FILIP1L: variants seen among roughly 807,000 people sequenced by gnomAD.
FILIP1L encodes the protein filamin A-interacting protein 1-like.
A neutral mutation model predicts 96.6 loss-of-function variants in FILIP1L; 55 were observed. The observed-to-expected ratio is 0.57, with a 90% CI of 0.46 to 0.71. FILIP1L has a LOEUF of 0.71. Among genes scored for constraint, FILIP1L ranks in the 30% least tolerant of loss-of-function variants. FILIP1L has a pLI of 0.00. For synonymous variants in FILIP1L, 467 were observed against 473.9 expected (o/e 0.99, Z 0.19); for missense variants, 1,304 against 1,321.2 (o/e 0.99, Z 0.20).
intron 1 of FILIP1L, among the ~76,000 whole-genome samples, chr3:99,934,237 A>G (rs1365516279): frequency 1.3e-5 from 2 of 152,230 alleles, no homozygotes; most frequent in East Asian, 1.9e-4. Flanking sequence ...ACACCTCTAC[A>G]TGGAAGAAGA....
chr3:100,041,550 A>G (rs973061941), intron 1 of FILIP1L, among the ~76,000 whole-genome samples: 1 of 152,220 alleles, frequency 6.6e-6, no homozygotes, highest in African/African-American at 2.4e-5. Flanking sequence ...TACACACTTC[A>G]ACAGGAATGC....
At chr3:100,018,465 C>T (rs1710408786) in intron 1 of FILIP1L, among the ~76,000 whole-genome samples, 1 of 152,090 alleles carries the variant, frequency 6.6e-6, no homozygotes, top group Non-Finnish European at 1.5e-5. Context: ...TCAGATGAGG[C>T]TCATTTGTGT....
chr3:99,866,157 T>A (rs1944505523), intron 4 of FILIP1L, among the ~76,000 whole-genome samples: 1 of 152,130 alleles, frequency 6.6e-6, no homozygotes, highest in South Asian at 2.1e-4. Flanking sequence ...AGTTAAAACT[T>A]TTTTTAAGCC....
intron 4 of FILIP1L, among the ~76,000 whole-genome samples, chr3:99,907,700 T>A (rs76685380): frequency 0.096 from 14,641 of 152,286 alleles, 838 homozygotes; most frequent in African/African-American, 0.16. Flanking sequence ...CCCCTTCCCT[T>A]ATGCTATTAA....
chr3:100,021,051 C>T (rs2064806294), intron 1 of FILIP1L, among the ~76,000 whole-genome samples: 1 of 152,174 alleles, frequency 6.6e-6, no homozygotes, highest in Non-Finnish European at 1.5e-5. Flanking sequence ...AGGCGTGAGC[C>T]ACCACGCCTA....
chr3:99,880,461 G>A (rs887683385), intron 4 of FILIP1L, among the ~76,000 whole-genome samples: 1 of 151,956 alleles, frequency 6.6e-6, no homozygotes, highest in African/African-American at 2.4e-5. Context: ...CTGGTCCCAG[G>A]CCTATATATG....
chr3:99,843,462 T>A (rs1264738015), intron 5 of FILIP1L, among the ~76,000 whole-genome samples: 2 of 152,200 alleles, frequency 1.3e-5, no homozygotes, highest in African/African-American at 4.8e-5. Flanking sequence ...CATTTCCTAC[T>A]ACAGATGTAA....
intron 4 of FILIP1L, among the ~76,000 whole-genome samples, chr3:99,915,218 A>G (rs1236229395): frequency 6.6e-6 from 1 of 152,200 alleles, no homozygotes; most frequent in African/African-American, 2.4e-5. Context: ...TCCAGAAGCT[A>G]ATTCATGATG....
chr3:99,978,645 A>G (rs1709035964), intron 1 of FILIP1L, among the ~76,000 whole-genome samples: 1 of 152,176 alleles, frequency 6.6e-6, no homozygotes, highest in South Asian at 2.1e-4. Flanking sequence ...CTGTAATCCC[A>G]GGACTTTGGG....
chr3:99,866,025 A>C (rs1944495184), intron 4 of FILIP1L, among the ~76,000 whole-genome samples: 1 of 152,084 alleles, frequency 6.6e-6, no homozygotes. Context: ...TGGAGGATTT[A>C]ATATGATTCC....
chr3:99,845,185 A>G (rs563333753), intron 5 of FILIP1L, among the ~76,000 whole-genome samples: 46 of 152,236 alleles, frequency 3.0e-4, no homozygotes, highest in African/African-American at 9.4e-4. Flanking sequence ...GTAATGCACA[A>G]TGTCCTTCTA....
intron 1 of FILIP1L, among the ~76,000 whole-genome samples, chr3:100,093,755 A>G (rs1029208234): frequency 6.6e-6 from 1 of 152,204 alleles, no homozygotes; most frequent in African/African-American, 2.4e-5. Context: ...CTCAATTTAT[A>G]TAATTTTGTC....
rs1326093378 is a variant in FILIP1L at position 99,850,709 on chromosome 3, G to A, written c.967C>T (p.Leu323Phe). ...CTGAGTGCTGCCAGCTTTTGTTGAAGCTGGCGATTTTGACTGTCCTCATTG... is the reference window on the plus strand; with the variant it reads ...CTGAGTGCTGCCAGCTTTTGTTGAAACTGGCGATTTTGACTGTCCTCATTG... ...LTNEDSQNRQLQQKLAALSRQ... is the reference protein window; with the variant it reads ...LTNEDSQNRQFQQKLAALSRQ... Residue 323 changes from leucine to phenylalanine, a missense_variant, in exon 5 of 6, where the codon CTT becomes TTT. Physicochemically the swap from Leu to Phe is conservative, Grantham distance 22. Transcript: ENST00000477258. 6.2e-7 allele frequency: 1 copy of A among 1,614,138 alleles called. No individual in the cohort carries two copies. Among genetic ancestry groups the A allele is most frequent in the Admixed American group, 1.7e-5 (1 of 60,028 alleles).
intron 4 of FILIP1L, among the ~76,000 whole-genome samples, chr3:99,911,933 TTCTC>T (rs780596527): frequency 6.6e-6 from 1 of 152,170 alleles, no homozygotes; most frequent in East Asian, 1.9e-4. Context: ...AAAATGTTCG[TTCTC>T]TCTTTTTTTT....
At chr3:99,867,907 A>G (rs1271566124) in intron 4 of FILIP1L, among the ~76,000 whole-genome samples, 6 of 152,218 alleles carry the variant, frequency 3.9e-5, no homozygotes, top group Admixed American at 2.0e-4. Flanking sequence ...GCAAATAAGT[A>G]CTTAAAATGT....
At chr3:99,882,878 T>C (rs1559674900) in intron 4 of FILIP1L, among the ~76,000 whole-genome samples, 1 of 152,216 alleles carries the variant, frequency 6.6e-6, no homozygotes, top group African/African-American at 2.4e-5. Flanking sequence ...AAATTGGAGA[T>C]TTATAGATTG....
At chr3:99,931,279 G>A (rs939951718) in intron 1 of FILIP1L, among the ~76,000 whole-genome samples, 2 of 152,086 alleles carry the variant, frequency 1.3e-5, no homozygotes, top group Non-Finnish European at 2.9e-5. Flanking sequence ...ATGTCCATGG[G>A]TAAACAGGCT....
rs749302480 is a variant in FILIP1L, at chr3:99,961,013, A to G, written c.-10-29983T>C. The stretch of plus-strand genomic sequence containing the variant: ...TGCGTGTGTGCAGATCGCAGGTTTT[A>G]TCAGGAACATATTCGTTAATATTTA... On this transcript the variant is annotated intron_variant, in intron 1 of 5. Transcript: ENST00000477258. Among the ~76,000 whole-genome samples, 23 of 152,210 alleles carry G rather than the reference A, an allele frequency of 1.5e-4. No individual in the cohort carries two copies. In the Middle Eastern group the frequency reaches 0.01, roughly 68 times the overall value.
chr3:100,074,675 A>ATTTTTTTTTTTTTTTT (rs555819875), intron 1 of FILIP1L, among the ~76,000 whole-genome samples: 742 of 34,788 alleles, frequency 0.021, 282 homozygotes, highest in Middle Eastern at 0.05. Context: ...GCAACATTTG[A>ATTTTTTTTTTTTTTTT]TTTTTTTTTT....
Sources: gnomAD v4.1 joint callset for allele counts (sites outside exome capture counted in the v4.1 genomes callset) on GRCh38, gnomAD v4.1.1 for gene constraint, MANE v1.5 for transcripts, NCBI Gene and HGNC (gene_info 2026-07-23, HGNC 2026-07-21) for gene names.